Variants in CWC25 observed in about 807,000 individuals in gnomAD.
CWC25 encodes the protein pre-mRNA-splicing factor CWC25 homolog.
Under a neutral mutation model 54.6 loss-of-function variants are expected in CWC25, and 31 were observed. The ratio of observed to expected loss-of-function variants is 0.57; its 90% CI spans 0.43 to 0.77. CWC25 has a LOEUF of 0.77. Among genes scored for constraint, CWC25 ranks in the 30% least tolerant of loss-of-function variants. CWC25 has a pLI of 0.00. For synonymous variants in CWC25, 151 were observed against 187.0 expected (o/e 0.81, Z 1.57); for missense variants, 453 against 529.3 (o/e 0.86, Z 1.41).
At chr17:38,822,940 C>G (rs1326798744) in intron 1 of CWC25, among the ~76,000 whole-genome samples, 2 of 150,832 alleles carry the variant, frequency 1.3e-5, no homozygotes, top group Non-Finnish European at 3.0e-5. Context: ...CAGGTTCACG[C>G]CATTCTCCTG....
intron 6 of CWC25, among the ~76,000 whole-genome samples, chr17:38,808,790 T>C (rs1911359800): frequency 6.9e-6 from 1 of 145,002 alleles, no homozygotes; most frequent in Non-Finnish European, 1.5e-5. Context: ...CTACTAAAAA[T>C]ACAAAATTAG....
Position 38,815,075 on chromosome 17 carries a change from A to G in CWC25, c.214T>C (p.Trp72Arg). ...AVKKKEEKLD[W>R]MYQGPGGMVN... ...ATCCCACCAGGACCCTGGTACATCC[A>G]GTCCAACTTTTCTTCTTTTTTCCTG... The change falls in exon 3 of 10, where the codon TGG (tryptophan) becomes CGG (arginine). Residue 72 changes from tryptophan to arginine, a missense_variant. This residue lies in a region of CWC25 where 444 missense variants were observed against 499.2 expected (regional missense o/e 0.89). Coordinates refer to ENST00000614790, the MANE Select transcript of CWC25 (RefSeq NM_017748.5). 6.2e-7 allele frequency: 1 copy of G among 1,612,606 alleles called. No homozygotes were observed. Among genetic ancestry groups the G allele is most frequent in the Non-Finnish European group, 8.5e-7 (1 of 1,179,438 alleles).
chr17:38,804,701 G>A (rs940533513), intron 8 of CWC25, among the ~76,000 whole-genome samples: 4 of 151,298 alleles, frequency 2.6e-5, no homozygotes, highest in South Asian at 4.2e-4. Context: ...CCAGCTACTC[G>A]GGAGGCTGAG....
chr17:38,804,505 A>G lies in CWC25; in HGVS notation c.1002-1644T>C, dbSNP rs746206869. 5.3e-5 allele frequency among the ~76,000 whole-genome samples: 8 copies of G among 152,028 alleles called. No homozygotes were observed. The South Asian group carries it at 1.2e-3, about 24-fold the overall frequency. ...GACAACACATTGAAACCCCATCTATATTAAAAATACAAAAATTAGGGCCAG... is the reference window on the plus strand; with the variant it reads ...GACAACACATTGAAACCCCATCTATGTTAAAAATACAAAAATTAGGGCCAG... On this transcript the variant is annotated intron_variant, in intron 8 of 9. Transcript: ENST00000614790.
rs1911005335 is a variant in CWC25, at chr17:38,801,158, A to C, written c.*934T>G. On this transcript the variant is annotated 3_prime_UTR_variant, in exon 10 of 10. Transcript: ENST00000614790. ...ACTCCTGAAAATCTGTAATTGTAGT[A>C]AGGTTACTACACGGTAAGAAGTGAA... 6.6e-6 allele frequency: 1 copy of C among 152,090 alleles called. No homozygotes were observed. The highest frequency in any genetic ancestry group is 2.4e-5 in the African/African-American group (1 of 41,380). 9.4% of individuals were successfully genotyped at this position (152,090 alleles called of 1,614,324 possible). A position where few individuals can be genotyped will look rare whatever the true frequency, so the allele number is the denominator to read the frequency against.
chr17:38,825,321 T>G lies in CWC25; in HGVS notation c.-138A>C. On this transcript the variant is annotated 5_prime_UTR_variant, in exon 1 of 10. Transcript: ENST00000614790. ...TCAACTGCCAGTTTCACCACCGCTCTAGAGGTCACTTCCGGGAGGGCGTCA... is the reference window on the plus strand; with the variant it reads ...TCAACTGCCAGTTTCACCACCGCTCGAGAGGTCACTTCCGGGAGGGCGTCA... The G allele has an allele frequency of 6.1e-6, 5 of 815,758 alleles. No individual in the cohort carries two copies. Among genetic ancestry groups the G allele is most frequent in the Non-Finnish European group, 9.3e-6 (5 of 540,418 alleles). 50.5% of individuals were successfully genotyped at this position (815,758 alleles called of 1,614,324 possible).
chr17:38,818,817 C>T (rs1468946653), intron 2 of CWC25, among the ~76,000 whole-genome samples: 2 of 151,978 alleles, frequency 1.3e-5, no homozygotes, highest in Non-Finnish European at 2.9e-5. Flanking sequence ...GAGTCTGCAA[C>T]AATGCTGGCT....
In CWC25 at chr17:38,811,094, G is replaced by A. The variant is rs975008660; in HGVS notation, c.499-499C>T. Among the ~76,000 whole-genome samples the A allele has an allele frequency of 2.0e-5, 3 of 151,588 alleles. No individual in the cohort carries two copies. The South Asian group carries it at 6.3e-4, about 32-fold the overall frequency. Reference sequence around the variant, plus strand: ...AAAAATACAAAAATTAGCTGGGTGTGGTGGTGTGTACCTGTAGTTCTAGCT... The same window carrying A: ...AAAAATACAAAAATTAGCTGGGTGTAGTGGTGTGTACCTGTAGTTCTAGCT... On this transcript the variant is annotated intron_variant, in intron 4 of 9. Transcript: ENST00000614790.
chr17:38,816,702 CCAGA>C (rs1911712736), intron 2 of CWC25, among the ~76,000 whole-genome samples: 1 of 150,770 alleles, frequency 6.6e-6, no homozygotes, highest in Non-Finnish European at 1.5e-5. Context: ...TTTTTTTCCC[CCAGA>C]CAGAGTTTCA....
In CWC25 at chr17:38,814,996, T is replaced by TCAAAAA; in HGVS notation, c.287_292dup (p.Val96_Phe97dup). ...GCCTGCCTCCTTCTCCTCCATCTTCTCAAAAACATATTTGTCAATGGGGCG... is the reference window on the plus strand; with the variant it reads ...GCCTGCCTCCTTCTCCTCCATCTTCTCAAAAACAAAAACATATTTGTCAATGGGGCG... On this transcript the variant is annotated inframe_insertion, in exon 3 of 10. Coordinates refer to ENST00000614790, the MANE Select transcript of CWC25 (RefSeq NM_017748.5). The TCAAAAA allele has an allele frequency of 6.2e-7, 1 of 1,613,850 alleles. No homozygotes were observed.
At position 38,802,793 on chromosome 17, in the gene CWC25, T is replaced by C; in HGVS notation, c.1070A>G (p.Glu357Gly). ...EMMENAKWRE[E>G]ERLNILKRHA... The stretch of plus-strand genomic sequence containing the variant: ...CCTCTTGAGGATGTTCAGTCTCTCC[T>C]CCTCCCTCCATTTGGCGTTTTCCAT... Residue 357 changes from glutamate to glycine, a missense_variant, in exon 9 of 10, where the codon GAG becomes GGG. Transcript: ENST00000614790. The C allele has an allele frequency of 6.2e-7, 1 of 1,613,974 alleles. No individual in the cohort carries two copies. The highest frequency in any genetic ancestry group is 1.7e-5 in the Admixed American group (1 of 60,004).
intron 1 of CWC25, among the ~76,000 whole-genome samples, chr17:38,824,431 AATCCT>A (rs1346145257): frequency 6.6e-6 from 1 of 151,586 alleles, no homozygotes; most frequent in Non-Finnish European, 1.5e-5. Flanking sequence ...TAACCCTTGT[AATCCT>A]AGCACTCTGG....
chr17:38,819,984 T>C (rs935085169), intron 2 of CWC25, among the ~76,000 whole-genome samples: 4 of 152,176 alleles, frequency 2.6e-5, no homozygotes, highest in Admixed American at 6.5e-5. Flanking sequence ...TTTTTTTCTA[T>C]TGTTTTGTAG....
chr17:38,803,365 C>CA (rs1385663781), intron 8 of CWC25, among the ~76,000 whole-genome samples: 1 of 152,244 alleles, frequency 6.6e-6, no homozygotes, highest in Non-Finnish European at 1.5e-5. Context: ...CATGGTGGCT[C>CA]ACGCCTGTAA....
intron 6 of CWC25, among the ~76,000 whole-genome samples, chr17:38,807,759 A>T (rs1251431971): frequency 7.3e-6 from 1 of 137,606 alleles, no homozygotes; most frequent in Non-Finnish European, 1.6e-5. Context: ...CTGTCTCAAA[A>T]AAAAAAAAAA....
chr17:38,817,020 A>G (rs1032076574), intron 2 of CWC25, among the ~76,000 whole-genome samples: 1 of 151,596 alleles, frequency 6.6e-6, no homozygotes, highest in African/African-American at 2.4e-5. Flanking sequence ...TAAAAAAATG[A>G]GTCTGAGAAA....
At chr17:38,810,969 G>A (rs1385897714) in intron 4 of CWC25, among the ~76,000 whole-genome samples, 3 of 141,600 alleles carry the variant, frequency 2.1e-5, no homozygotes, top group African/African-American at 5.2e-5. Context: ...GGTGGCTCAC[G>A]CCTGTAATCT....
intron 8 of CWC25, among the ~76,000 whole-genome samples, chr17:38,803,746 C>A (rs1194504933): frequency 1.3e-4 from 19 of 142,954 alleles, no homozygotes; most frequent in East Asian, 1.1e-3. Flanking sequence ...AAAAAAAAAA[C>A]AAAAACGATT....
Position 38,825,262 on chromosome 17 carries a change from G to C in CWC25, c.-79C>G. On this transcript the variant is annotated 5_prime_UTR_variant, in exon 1 of 10. Coordinates refer to ENST00000614790, the MANE Select transcript of CWC25 (RefSeq NM_017748.5). The stretch of plus-strand genomic sequence containing the variant: ...AGAGAAAACGTAGAGAAATAGTTCG[G>C]GGGCTACCTCGCGGGATCTAGTCCC... The C allele has an allele frequency of 6.8e-7, 1 of 1,467,824 alleles. No individual in the cohort carries two copies. The highest frequency in any genetic ancestry group is 9.2e-7 in the Non-Finnish European group (1 of 1,084,230). The allele number at this position is 1,467,824 out of a possible 1,614,324, so 90.9% of individuals were successfully genotyped here. A position where few individuals can be genotyped will look rare whatever the true frequency, so the allele number is the denominator to read the frequency against.
Sources: gnomAD v4.1 joint callset for allele counts (sites outside exome capture counted in the v4.1 genomes callset) on GRCh38, gnomAD v4.1.1 for gene constraint, gnomAD v4.1.1 regional missense constraint, MANE v1.5 for transcripts, NCBI Gene and HGNC (gene_info 2026-07-23, HGNC 2026-07-21) for gene names.